The following CTDSPL variants were observed in gnomAD, a reference collection of about 807,000 sequenced individuals.
CTDSPL encodes the protein CTD small phosphatase-like protein.
A neutral mutation model predicts 30.5 loss-of-function variants in CTDSPL; 8 were observed. The ratio of observed to expected loss-of-function variants is 0.26; its 90% CI spans 0.15 to 0.47. The LOEUF is 0.47. CTDSPL is among the 20% of genes least tolerant of loss of function. CTDSPL has a pLI of 0.99. For missense variants in CTDSPL, 248 were observed against 366.1 expected, an observed-to-expected ratio of 0.68 and a Z score of 2.63; for synonymous variants, 110 against 137.9, an observed-to-expected ratio of 0.80 and a Z score of 1.42.
intron 2 of CTDSPL, among the ~76,000 whole-genome samples, chr3:37,955,356 G>A (rs770311940): frequency 6.6e-6 from 1 of 152,164 alleles, no homozygotes; most frequent in Non-Finnish European, 1.5e-5. Flanking sequence ...TGAGCCAGGA[G>A]TTTGAGGCCG....
At chr3:37,956,439 A>G (rs1201636175) in intron 2 of CTDSPL, among the ~76,000 whole-genome samples, 5 of 152,266 alleles carry the variant, frequency 3.3e-5, no homozygotes, top group Non-Finnish European at 7.3e-5. Context: ...TAACAATGCT[A>G]TAATGAAGTG....
At chr3:37,913,936 G>A (rs1002755698) in intron 1 of CTDSPL, among the ~76,000 whole-genome samples, 4 of 152,206 alleles carry the variant, frequency 2.6e-5, no homozygotes, top group African/African-American at 9.6e-5. Context: ...TTTAAAATCA[G>A]TTTATCTGTT....
chr3:37,870,588 A>G (rs1698060915), intron 1 of CTDSPL, among the ~76,000 whole-genome samples: 1 of 151,760 alleles, frequency 6.6e-6, no homozygotes, highest in African/African-American at 2.4e-5. Context: ...TTATTTCCTT[A>G]CTTCCGCTTT....
intron 1 of CTDSPL, among the ~76,000 whole-genome samples, chr3:37,892,532 C>A (rs984301908): frequency 1.3e-5 from 2 of 151,980 alleles, no homozygotes; most frequent in Non-Finnish European, 2.9e-5. Context: ...ATTTTAAAAT[C>A]AACTTTCCAC....
At chr3:37,892,460 G>A (rs747839650) in intron 1 of CTDSPL, among the ~76,000 whole-genome samples, 1 of 151,986 alleles carries the variant, frequency 6.6e-6, no homozygotes, top group Non-Finnish European at 1.5e-5. Flanking sequence ...TTTAATACCT[G>A]TAAAGGCATC....
chr3:37,967,160 G>C (rs1699307596), intron 4 of CTDSPL, among the ~76,000 whole-genome samples: 1 of 152,220 alleles, frequency 6.6e-6, no homozygotes, highest in South Asian at 2.1e-4. Flanking sequence ...GCAGGAGCTG[G>C]TGCCAGGCTA....
intron 1 of CTDSPL, among the ~76,000 whole-genome samples, chr3:37,910,245 C>T (rs1194826583): frequency 2.6e-5 from 4 of 152,086 alleles, no homozygotes; most frequent in Non-Finnish European, 4.4e-5. Flanking sequence ...TTTGAGAAGC[C>T]AAGGCGGGTG....
chr3:37,971,632 A>G, intron 6 of CTDSPL, 133 bp downstream of exon 6: 1 of 737,334 alleles, frequency 1.4e-6, no homozygotes, highest in Non-Finnish European at 2.3e-6. Flanking sequence ...CCCACCCCAG[A>G]TGGGATGGAT....
chr3:37,916,923 A>G (rs1698656459), intron 1 of CTDSPL, among the ~76,000 whole-genome samples: 1 of 152,164 alleles, frequency 6.6e-6, no homozygotes, highest in Non-Finnish European at 1.5e-5. Context: ...TCTGGGTGCC[A>G]TGAGTCACTG....
intron 1 of CTDSPL, among the ~76,000 whole-genome samples, chr3:37,945,325 C>T (rs969179232): frequency 2.8e-5 from 4 of 144,320 alleles, no homozygotes; most frequent in African/African-American, 9.8e-5. Context: ...TTCAGCATGG[C>T]ACATGGGGAA....
chr3:37,862,430 C>A lies in CTDSPL; in HGVS notation c.79+152C>A. 1.9e-6 allele frequency: 1 copy of A among 533,164 alleles called. No individual in the cohort carries two copies. The highest frequency in any genetic ancestry group is 2.9e-6 in the Non-Finnish European group (1 of 348,372). The allele number at this position is 533,164 out of a possible 1,614,324, so 33.0% of individuals were successfully genotyped here. On this transcript the variant is annotated intron_variant, in intron 1 of 7. Transcript: ENST00000273179. The surrounding 1 kb of genome is among the most constrained non-coding windows in gnomAD (Gnocchi z 4.3). The stretch of plus-strand genomic sequence containing the variant: ...GGGGTGCGCCCGGAGGAGAGCGAGG[C>A]TGCCAGAGTGCGTGTGCCGACTGAG...
chr3:37,954,092 TAAGG>T (rs1699140519), intron 2 of CTDSPL, among the ~76,000 whole-genome samples: 1 of 152,066 alleles, frequency 6.6e-6, no homozygotes, highest in South Asian at 2.1e-4. Context: ...AGAAAGAAAA[TAAGG>T]AAGACAGCTT....
chr3:37,880,020 A>G (rs1480892132), intron 1 of CTDSPL, among the ~76,000 whole-genome samples: 2 of 151,156 alleles, frequency 1.3e-5, no homozygotes, highest in African/African-American at 2.4e-5. Flanking sequence ...TTGCCGTTGT[A>G]TTTGAGGTAT....
chr3:37,949,712 A>C (rs1275045206), intron 2 of CTDSPL, among the ~76,000 whole-genome samples: 3 of 152,230 alleles, frequency 2.0e-5, no homozygotes, highest in Non-Finnish European at 4.4e-5. Context: ...ATGATTTAAA[A>C]AATTATTTTA....
chr3:37,961,426 G>A (rs1435273824), intron 3 of CTDSPL, among the ~76,000 whole-genome samples: 4 of 152,088 alleles, frequency 2.6e-5, no homozygotes, highest in Non-Finnish European at 4.4e-5. Flanking sequence ...AGTGAGGAAC[G>A]CCACTGAGGC....
chr3:37,880,166 C>A (rs1005080578), intron 1 of CTDSPL, among the ~76,000 whole-genome samples: 6 of 149,600 alleles, frequency 4.0e-5, no homozygotes, highest in African/African-American at 1.5e-4. Flanking sequence ...ATTTCATCTT[C>A]CAAAAGCCTT....
intron 2 of CTDSPL, among the ~76,000 whole-genome samples, chr3:37,951,347 G>C (rs535687832): frequency 6.7e-6 from 1 of 149,900 alleles, no homozygotes; most frequent in African/African-American, 2.5e-5. Flanking sequence ...CAGCCTGGGC[G>C]AAAGAGCAAG....
Position 37,981,018 on chromosome 3 carries a change from T to C in CTDSPL, c.*151T>C. 1.2e-6 allele frequency: 1 copy of C among 831,284 alleles called. No homozygotes were observed. 51.5% of individuals were successfully genotyped at this position (831,284 alleles called of 1,614,324 possible). A position where few individuals can be genotyped will look rare whatever the true frequency, so the allele number is the denominator to read the frequency against. On this transcript the variant is annotated 3_prime_UTR_variant, in exon 8 of 8. Transcript: ENST00000273179. Reference sequence around the variant, plus strand: ...TGGCCATGCCTACCTGTTTTGTTTTTTTAAGAACAGAAACAACTATTTTAA... The same window carrying C: ...TGGCCATGCCTACCTGTTTTGTTTTCTTAAGAACAGAAACAACTATTTTAA...
intron 1 of CTDSPL, among the ~76,000 whole-genome samples, chr3:37,895,162 T>G (rs1354754482): frequency 1.3e-5 from 2 of 152,200 alleles, no homozygotes; most frequent in African/African-American, 4.8e-5. Flanking sequence ...TTCTATTATA[T>G]TCCTCTGTAC....
Sources: gnomAD v4.1 joint callset for allele counts (sites outside exome capture counted in the v4.1 genomes callset) on GRCh38, gnomAD v4.1.1 for gene constraint, Gnocchi (gnomAD v3.1) non-coding constraint, MANE v1.5 for transcripts, NCBI Gene and HGNC (gene_info 2026-07-23, HGNC 2026-07-21) for gene names.